Variants in GALNT16 observed in about 807,000 individuals in gnomAD.
The protein encoded by GALNT16 is polypeptide N-acetylgalactosaminyltransferase 16.
In GALNT16, 40 loss-of-function variants were observed where a neutral mutation model predicts 76.1. The observed-to-expected ratio is 0.53, with a 90% CI of 0.41 to 0.68. The LOEUF (loss-of-function observed/expected upper bound fraction) is 0.68. Among genes scored for constraint, GALNT16 ranks in the 30% least tolerant of loss-of-function variants. GALNT16 has a pLI of 0.00. For synonymous variants in GALNT16, 276 were observed against 285.2 expected, an observed-to-expected ratio of 0.97 and a Z score of 0.32; for missense variants, 621 against 731.9, an observed-to-expected ratio of 0.85 and a Z score of 1.75.
At chr14:69,328,317 A>G (rs1419418299) in intron 5 of GALNT16, 133 bp from the exon 6 acceptor site, 20 of 914,480 alleles carry the variant, frequency 2.2e-5, no homozygotes, top group Non-Finnish European at 3.1e-5. Context: ...GCAGAAGTAT[A>G]AAGTCAAATC....
At chr14:69,293,587 T>C (rs930682970) in intron 1 of GALNT16, among the ~76,000 whole-genome samples, 1 of 152,198 alleles carries the variant, frequency 6.6e-6, no homozygotes, top group Non-Finnish European at 1.5e-5. Context: ...TACAGTATGG[T>C]GGTTAAGCAT....
intron 1 of GALNT16, among the ~76,000 whole-genome samples, chr14:69,265,149 G>C (rs1285487085): frequency 6.6e-6 from 1 of 152,086 alleles, no homozygotes; most frequent in African/African-American, 2.4e-5. Context: ...CTGATTTCCT[G>C]TCAATGGGGT....
At chr14:69,323,050 C>G (rs1383690846) in intron 2 of GALNT16, among the ~76,000 whole-genome samples, 1 of 150,198 alleles carries the variant, frequency 6.7e-6, no homozygotes, top group African/African-American at 2.5e-5. Context: ...AGTGGGCAGG[C>G]CTCCTGCCAT....
Position 69,333,700 on chromosome 14 carries a change from C to G in GALNT16, c.967+100C>G. The G allele has an allele frequency of 1.5e-6, 1 of 683,442 alleles. No homozygotes were observed. The highest frequency in any genetic ancestry group is 2.6e-6 in the Non-Finnish European group (1 of 382,964). 42.3% of individuals were successfully genotyped at this position (683,442 alleles called of 1,614,324 possible). ...TATGCGTGAGGACCTGCTCTAAGGA[C>G]TTTACACACATGAGGTCATTTAATT... On this transcript the variant is annotated intron_variant, in intron 9 of 14. Transcript: ENST00000448469. This position sits in a 1 kb window ranked among gnomAD's most constrained non-coding sequence, Gnocchi z 4.2.
At chr14:69,260,135 CA>C, upstream of GALNT16, 1 of 147,310 alleles carries the variant, frequency 6.8e-6, no homozygotes, top group Non-Finnish European at 1.5e-5. Context: ...CTCTCCCTAT[CA>C]CCCCCCCGCC....
intron 1 of GALNT16, among the ~76,000 whole-genome samples, chr14:69,277,197 CA>C (rs1018673178): frequency 3.9e-5 from 6 of 152,146 alleles, no homozygotes; most frequent in African/African-American, 1.4e-4. Flanking sequence ...AGATCAAAGA[CA>C]AAAAGCCTTT....
chr14:69,313,786 A>G (rs1044556682), intron 1 of GALNT16, among the ~76,000 whole-genome samples: 1 of 103,054 alleles, frequency 9.7e-6, no homozygotes, highest in African/African-American at 2.6e-5. Flanking sequence ...GGATTTCCAT[A>G]GTAACCATGG....
chr14:69,366,783 A>T, the GALNT16 span, among the ~76,000 whole-genome samples: 2 of 152,184 alleles, frequency 1.3e-5, no homozygotes, highest in Non-Finnish European at 2.9e-5. Flanking sequence ...TGAATCACAA[A>T]CATATGTTGA....
intron 1 of GALNT16, among the ~76,000 whole-genome samples, chr14:69,268,709 G>T (rs185935433): frequency 6.6e-6 from 1 of 152,332 alleles, no homozygotes; most frequent in Non-Finnish European, 1.5e-5. Flanking sequence ...GATATATTAG[G>T]TGGTGGCAAA....
the GALNT16 span, among the ~76,000 whole-genome samples, chr14:69,370,550 T>G: frequency 2.0e-5 from 3 of 152,222 alleles, no homozygotes; most frequent in African/African-American, 7.2e-5. Flanking sequence ...TCTTTTATTT[T>G]TTTTTAACTT....
intron 1 of GALNT16, among the ~76,000 whole-genome samples, chr14:69,278,840 A>T (rs554387431): frequency 6.6e-6 from 1 of 152,354 alleles, no homozygotes; most frequent in African/African-American, 2.4e-5. Flanking sequence ...TGAACAAAAG[A>T]TCAAATTTCA....
intron 1 of GALNT16, among the ~76,000 whole-genome samples, chr14:69,277,136 G>C (rs1188618454): frequency 6.6e-6 from 1 of 152,150 alleles, no homozygotes; most frequent in Non-Finnish European, 1.5e-5. Context: ...AGTCAAAATG[G>C]GTGTGTCTTC....
chr14:69,274,140 AG>A (rs1278846613), intron 1 of GALNT16, among the ~76,000 whole-genome samples: 1 of 152,114 alleles, frequency 6.6e-6, no homozygotes, highest in Non-Finnish European at 1.5e-5. Flanking sequence ...CGCGTTTTAG[AG>A]GGTTGCTCTG....
At chr14:69,343,177 G>A (rs548886820) in intron 12 of GALNT16, among the ~76,000 whole-genome samples, 28 of 152,174 alleles carry the variant, frequency 1.8e-4, no homozygotes, top group Non-Finnish European at 3.7e-4. Context: ...TGGGGAACAC[G>A]TGTCCCACCG....
chr14:69,345,654 C>T (rs1374271336), intron 12 of GALNT16, among the ~76,000 whole-genome samples: 1 of 149,198 alleles, frequency 6.7e-6, no homozygotes, highest in African/African-American at 2.5e-5. Context: ...TGCAAGCCTG[C>T]AGCAGCTGGG....
In GALNT16 at chr14:69,352,413, G is replaced by C. The variant is rs1435638767; in HGVS notation, c.*245G>C. On this transcript the variant is annotated 3_prime_UTR_variant, in exon 15 of 15. Transcript: ENST00000448469. The stretch of plus-strand genomic sequence containing the variant: ...GAGGAGATGGTCAGGGTGCTGGACT[G>C]TTGCTGGGTAGAGACTGAGTAGGTG... The C allele has an allele frequency of 8.2e-6, 4 of 486,920 alleles. No homozygotes were observed. The highest frequency in any genetic ancestry group is 1.1e-5 in the Non-Finnish European group (3 of 275,534). 30.2% of individuals were successfully genotyped at this position (486,920 alleles called of 1,614,324 possible).
At chr14:69,332,159 G>C (rs1043819635) in intron 7 of GALNT16, among the ~76,000 whole-genome samples, 1 of 152,186 alleles carries the variant, frequency 6.6e-6, no homozygotes, top group African/African-American at 2.4e-5. Flanking sequence ...ATGTTGAAAT[G>C]ACAATATTTT....
chr14:69,356,554 C>CTTTTTTTTTTTTTTTTTTTTTTTTTTT (rs763230954), downstream of GALNT16: 63 of 117,322 alleles, frequency 5.4e-4, 8 homozygotes, highest in African/African-American at 8.9e-4. Flanking sequence ...GCTGTGAGCT[C>CTTTTTTTTTTTTTTTTTTTTTTTTTTT]TTTTTTTTTT....
At chr14:69,293,259 TG>T (rs1447711035) in intron 1 of GALNT16, among the ~76,000 whole-genome samples, 3 of 152,240 alleles carry the variant, frequency 2.0e-5, no homozygotes, top group African/African-American at 7.2e-5. Flanking sequence ...GAAACCCAGA[TG>T]CGGTAGGAAC....
Sources: gnomAD v4.1 joint callset for allele counts (sites outside exome capture counted in the v4.1 genomes callset) on GRCh38, gnomAD v4.1.1 for gene constraint, Gnocchi (gnomAD v3.1) non-coding constraint, MANE v1.5 for transcripts, NCBI Gene and HGNC (gene_info 2026-07-23, HGNC 2026-07-21) for gene names.